SLC25A48: variants seen among roughly 807,000 people sequenced by gnomAD.
SLC25A48 encodes CTC-321K16.1.
A neutral mutation model predicts 32.2 loss-of-function variants in SLC25A48; 29 were observed. The ratio of observed to expected loss-of-function variants is 0.90; its 90% CI spans 0.67 to 1.23. SLC25A48 has a LOEUF of 1.23. SLC25A48 is among the 50% of genes most tolerant of loss of function. The probability of loss-of-function intolerance (pLI) is 0.00; values close to 1 mark genes in which losing one functional copy is unlikely to be tolerated. For synonymous variants in SLC25A48, 164 were observed against 172.3 expected, an observed-to-expected ratio of 0.95 and a Z score of 0.38; for missense variants, 399 against 422.7, an observed-to-expected ratio of 0.94 and a Z score of 0.49.
At chr5:135,850,840 G>A (rs1244266752) in intron 3 of SLC25A48, among the ~76,000 whole-genome samples, 4 of 152,280 alleles carry the variant, frequency 2.6e-5, no homozygotes, top group African/African-American at 4.8e-5. Context: ...ACCGTGTGCT[G>A]ATAGACCTCC....
intron 3 of SLC25A48, among the ~76,000 whole-genome samples, chr5:135,771,409 C>T (rs1187228248): frequency 6.6e-6 from 1 of 151,560 alleles, no homozygotes; most frequent in Non-Finnish European, 1.5e-5. Context: ...GTGTTCACCA[C>T]CTTGTGATAT....
chr5:135,833,180 G>A (rs1758272265), upstream of SLC25A48, among the ~76,000 whole-genome samples: 1 of 152,264 alleles, frequency 6.6e-6, no homozygotes, highest in East Asian at 1.9e-4. Flanking sequence ...TGGGAATGGA[G>A]CACAGTAATT....
chr5:135,592,935 C>A (rs1451092908), intron 1 of SLC25A48, among the ~76,000 whole-genome samples: 1 of 152,104 alleles, frequency 6.6e-6, no homozygotes, highest in East Asian at 1.9e-4. Flanking sequence ...GAGACAGAGA[C>A]GCTTGGTATA....
chr5:135,879,849 G>C (rs888055995), intron 6 of SLC25A48, 119 bp from the exon 7 acceptor site: 1 of 1,397,186 alleles, frequency 7.2e-7, no homozygotes, highest in Non-Finnish European at 9.5e-7. Flanking sequence ...AGGTCCTTTG[G>C]GCTCTGGTGG....
At chr5:135,879,050 A>C (rs1237021986) in intron 6 of SLC25A48, among the ~76,000 whole-genome samples, 1 of 152,216 alleles carries the variant, frequency 6.6e-6, no homozygotes, top group Admixed American at 6.5e-5. Flanking sequence ...GGAGGAAAGG[A>C]AGATCATAGG....
chr5:135,632,842 G>C (rs1752608280), intron 2 of SLC25A48, among the ~76,000 whole-genome samples: 1 of 152,178 alleles, frequency 6.6e-6, no homozygotes, highest in Non-Finnish European at 1.5e-5. Context: ...AGGGCGAGGA[G>C]AGGCCAGTGT....
upstream of SLC25A48, among the ~76,000 whole-genome samples, chr5:135,833,788 A>C (rs944904255): frequency 6.6e-6 from 1 of 152,222 alleles, no homozygotes; most frequent in Non-Finnish European, 1.5e-5. Flanking sequence ...AGGCCTTTGT[A>C]GGATCAAGCT....
intron 3 of SLC25A48, among the ~76,000 whole-genome samples, chr5:135,708,418 C>G (rs994203609): frequency 1.3e-5 from 2 of 152,200 alleles, no homozygotes; most frequent in African/African-American, 4.8e-5. Context: ...CCCATGTATC[C>G]TGAGTCCTCA....
intron 3 of SLC25A48, among the ~76,000 whole-genome samples, chr5:135,645,356 G>A (rs1752934582): frequency 6.6e-6 from 1 of 152,198 alleles, no homozygotes; most frequent in South Asian, 2.1e-4. Context: ...ATTATTCACT[G>A]AGCATGAAAT....
chr5:135,845,704 G>A (rs1759348246), intron 2 of SLC25A48, among the ~76,000 whole-genome samples: 1 of 152,214 alleles, frequency 6.6e-6, no homozygotes, highest in South Asian at 2.1e-4. Context: ...GAGGTACTGA[G>A]GATACAGCAA....
At chr5:135,874,743 C>T (rs375111927) in intron 6 of SLC25A48, 13 of 698,938 alleles carry the variant, frequency 1.9e-5, no homozygotes, top group Non-Finnish European at 3.4e-5. Flanking sequence ...ACACACACCC[C>T]TTCCCACCAC....
At chr5:135,841,052 C>A (rs1413575528) in intron 1 of SLC25A48, among the ~76,000 whole-genome samples, 2 of 152,182 alleles carry the variant, frequency 1.3e-5, no homozygotes, top group Non-Finnish European at 2.9e-5. Context: ...ACAAGAGTTC[C>A]AATTTCTCTA....
intron 1 of SLC25A48, among the ~76,000 whole-genome samples, chr5:135,616,435 G>C (rs1312954564): frequency 6.6e-6 from 1 of 152,226 alleles, no homozygotes; most frequent in Non-Finnish European, 1.5e-5. Context: ...GAGACATGGA[G>C]TCAAAGGAGA....
At chr5:135,852,913 A>G in intron 4 of SLC25A48, 92 bp downstream of exon 4, 1 of 1,469,544 alleles carries the variant, frequency 6.8e-7, no homozygotes, top group Non-Finnish European at 9.1e-7. Flanking sequence ...AAATCCTTTT[A>G]TTGAGCAAGG....
chr5:135,767,075 A>G (rs1756254354), intron 3 of SLC25A48, among the ~76,000 whole-genome samples: 1 of 151,794 alleles, frequency 6.6e-6, no homozygotes, highest in Non-Finnish European at 1.5e-5. Flanking sequence ...TCCAAGGGGA[A>G]AGAGAGTGAT....
rs147310753 is a variant in SLC25A48, at chr5:135,883,010, G to T, written c.*7+2913G>T. ...TGGGTTGTTTGACCCCAAGATCCAAGATTTCAAGACTCCCGTTAGAAGATG... is the reference window on the plus strand; with the variant it reads ...TGGGTTGTTTGACCCCAAGATCCAATATTTCAAGACTCCCGTTAGAAGATG... On this transcript the variant is annotated intron_variant, in intron 7 of 7. Transcript: ENST00000681962. 54 of 984,310 alleles carry T rather than the reference G, an allele frequency of 5.5e-5. No homozygotes were observed. The African/African-American group carries it at 9.2e-4, about 17-fold the overall frequency. 61.0% of individuals were successfully genotyped at this position (984,310 alleles called of 1,614,324 possible).
Position 135,871,494 on chromosome 5 carries a change from C to T in SLC25A48, c.455C>T (p.Pro152Leu). 1.2e-6 allele frequency: 2 copies of T among 1,606,462 alleles called. No individual in the cohort carries two copies. Among genetic ancestry groups the T allele is most frequent in the Non-Finnish European group, 1.7e-6 (2 of 1,174,562 alleles). Residue 152 changes from proline to leucine, a missense_variant, in exon 5 of 8, where the codon CCT (proline) becomes CTT (leucine). By Grantham distance (98) the Pro-to-Leu change is moderately conservative. Coordinates refer to ENST00000681962, the MANE Select transcript of SLC25A48 (RefSeq NM_001349336.2). ...NLGLKSRAVA[P>L]AEQPAYQGPV... ...GGTTTGAAGTCCAGGGCAGTGGCTCCTGCGGAGCAGCCAGCATACCAGGGG... is the reference window on the plus strand; with the variant it reads ...GGTTTGAAGTCCAGGGCAGTGGCTCTTGCGGAGCAGCCAGCATACCAGGGG...
At chr5:135,697,662 A>G (rs1754299451) in intron 3 of SLC25A48, among the ~76,000 whole-genome samples, 1 of 152,162 alleles carries the variant, frequency 6.6e-6, no homozygotes, top group Non-Finnish European at 1.5e-5. Context: ...GACAAGTTGT[A>G]TGTCAGATGT....
intron 4 of SLC25A48, among the ~76,000 whole-genome samples, chr5:135,865,199 A>T (rs754345090): frequency 6.6e-6 from 1 of 152,240 alleles, no homozygotes; most frequent in Non-Finnish European, 1.5e-5. Flanking sequence ...TACATTAAGT[A>T]GCAACTGAAT....
Sources: gnomAD v4.1 joint callset for allele counts (sites outside exome capture counted in the v4.1 genomes callset) on GRCh38, gnomAD v4.1.1 for gene constraint, MANE v1.5 for transcripts, NCBI Gene and HGNC (gene_info 2026-07-23, HGNC 2026-07-21) for gene names.